Variants in CSMD1 observed in about 807,000 individuals in gnomAD.
CSMD1 encodes CUB and Sushi multiple domains 1.
In CSMD1, 213 loss-of-function variants were observed where a neutral mutation model predicts 417.5. The observed-to-expected ratio is 0.51, with a 90% CI of 0.46 to 0.57. CSMD1 has a LOEUF of 0.57. Ranked by LOEUF, CSMD1 falls within the 20% of genes least tolerant of loss-of-function variation. The pLI is 0.00. For synonymous variants in CSMD1, 2,862 were observed against 1,736.8 expected (o/e 1.65, Z -16.11); for missense variants, 6,923 against 4,529.7 (o/e 1.53, Z -15.17).
In CSMD1 at chr8:4,005,366, C is replaced by T. The variant is rs184811276; in HGVS notation, c.611-7256G>A. On this transcript the variant is annotated intron_variant, in intron 4 of 69. Coordinates refer to ENST00000635120, the MANE Select transcript of CSMD1 (RefSeq NM_033225.6). The stretch of plus-strand genomic sequence containing the variant: ...AGAAAACGTAATGCAGGGGCGGGTC[C>T]GGCTCCTTGAACAGACACACGTGGC... Among the ~76,000 whole-genome samples the T allele has an allele frequency of 5.2e-3, 799 of 152,216 alleles. 9 individuals carry two copies. Among genetic ancestry groups the T allele is most frequent in the Middle Eastern group, 0.024 (7 of 294 alleles).
At chr8:4,191,387 C>G (rs544941523) in intron 3 of CSMD1, among the ~76,000 whole-genome samples, 1 of 152,056 alleles carries the variant, frequency 6.6e-6, no homozygotes, top group African/African-American at 2.4e-5. Context: ...CAGAGCAAGA[C>G]TCTGTCTCAG....
chr8:3,045,212 G>C (rs985843987), intron 50 of CSMD1, among the ~76,000 whole-genome samples: 1 of 152,120 alleles, frequency 6.6e-6, no homozygotes, highest in Non-Finnish European at 1.5e-5. Flanking sequence ...ATTTCCTCAT[G>C]TTACTGAACA....
At chr8:3,174,718 CTAA>C (rs765282533) in intron 37 of CSMD1, among the ~76,000 whole-genome samples, 2 of 151,970 alleles carry the variant, frequency 1.3e-5, no homozygotes, top group African/African-American at 2.4e-5. Context: ...AATGTAAAGC[CTAA>C]TAATAGCTAT....
intron 2 of CSMD1, among the ~76,000 whole-genome samples, chr8:4,450,771 G>C (rs887912699): frequency 3.9e-5 from 6 of 152,150 alleles, no homozygotes; most frequent in African/African-American, 7.2e-5. Context: ...CAAATTGAAA[G>C]CAAGTATTGT....
chr8:4,288,278 T>G (rs1171329198), intron 3 of CSMD1, among the ~76,000 whole-genome samples: 1 of 152,134 alleles, frequency 6.6e-6, no homozygotes, highest in Non-Finnish European at 1.5e-5. Flanking sequence ...CTGGGAACAG[T>G]AAGCTCCCTT....
At chr8:4,760,160 C>T (rs988457200) in intron 1 of CSMD1, among the ~76,000 whole-genome samples, 1 of 152,176 alleles carries the variant, frequency 6.6e-6, no homozygotes, top group Non-Finnish European at 1.5e-5. Flanking sequence ...CTGCAATAGT[C>T]ATAGGCTGCA....
intron 4 of CSMD1, among the ~76,000 whole-genome samples, chr8:4,029,024 G>A (rs563773509): frequency 5.3e-5 from 8 of 152,082 alleles, no homozygotes; most frequent in African/African-American, 1.4e-4. Context: ...CTTGGGAGAG[G>A]GCACTAACTT....
At chr8:4,450,585 C>T (rs796131549) in intron 2 of CSMD1, among the ~76,000 whole-genome samples, 2 of 152,152 alleles carry the variant, frequency 1.3e-5, no homozygotes, top group African/African-American at 4.8e-5. Context: ...CAGCCCAGAT[C>T]GCACCACTGC....
In CSMD1 at chr8:4,000,230, G is replaced by GC. The variant is rs1359769744; in HGVS notation, c.611-2121dup. Among the ~76,000 whole-genome samples the GC allele has an allele frequency of 5.3e-3, 801 of 150,006 alleles. 4 individuals carry two copies. The highest frequency in any genetic ancestry group is 8.5e-3 in the Non-Finnish European group (577 of 67,714). On this transcript the variant is annotated intron_variant, in intron 4 of 69. Transcript: ENST00000635120. ...TTGGGAACAGCCGAATGTCTCTCCT[G>GC]CCCCCCGCCCTCCGTGGACACCACT...
Position 4,536,042 on chromosome 8 carries a change from G to A in CSMD1, c.302+101300C>T, listed in dbSNP as rs139040189. On this transcript the variant is annotated intron_variant, in intron 2 of 69. Coordinates refer to ENST00000635120, the MANE Select transcript of CSMD1 (RefSeq NM_033225.6). ...ATTATTAACATTATTTTTGAAAACA[G>A]CTGAAAATTTCCTCAGTGTTTTCAT... is the stretch of plus-strand genomic sequence containing the variant. Among the ~76,000 whole-genome samples the A allele has an allele frequency of 7.6e-3, 1,159 of 152,210 alleles. 10 individuals carry two copies. The highest frequency in any genetic ancestry group is 0.024 in the Middle Eastern group (7 of 294).
chr8:4,109,916 A>G (rs1801763533), intron 3 of CSMD1, among the ~76,000 whole-genome samples: 1 of 152,156 alleles, frequency 6.6e-6, no homozygotes, highest in Middle Eastern at 3.2e-3. Flanking sequence ...CAATTTGGGC[A>G]CAGAAAATGA....
At chr8:4,171,601 G>A (rs182199608) in intron 3 of CSMD1, among the ~76,000 whole-genome samples, 2 of 151,602 alleles carry the variant, frequency 1.3e-5, no homozygotes, top group African/African-American at 4.9e-5. Flanking sequence ...TTCCTTAGGG[G>A]ACGGTCCCAC....
intron 1 of CSMD1, among the ~76,000 whole-genome samples, chr8:4,903,527 G>C (rs901987539): frequency 1.3e-5 from 2 of 152,070 alleles, no homozygotes; most frequent in East Asian, 1.9e-4. Context: ...AAAAAATACT[G>C]AAACAGGAGA....
At chr8:3,339,660 A>T (rs1807512048) in intron 23 of CSMD1, among the ~76,000 whole-genome samples, 1 of 152,002 alleles carries the variant, frequency 6.6e-6, no homozygotes, top group Non-Finnish European at 1.5e-5. Context: ...TTCAGGTGAA[A>T]CTCTTACTTC....
At chr8:4,429,284 T>A (rs1378414336) in intron 2 of CSMD1, among the ~76,000 whole-genome samples, 1 of 152,096 alleles carries the variant, frequency 6.6e-6, no homozygotes, top group Non-Finnish European at 1.5e-5. Context: ...TTGAAGAGAA[T>A]AATTTCTCAT....
At chr8:3,614,320 G>T (rs538471690) in intron 8 of CSMD1, among the ~76,000 whole-genome samples, 1 of 151,686 alleles carries the variant, frequency 6.6e-6, no homozygotes, top group Non-Finnish European at 1.5e-5. Flanking sequence ...CGGGCTATAC[G>T]TCTGCACAAC....
chr8:3,244,863 C>G (rs10090255), intron 26 of CSMD1, among the ~76,000 whole-genome samples: 85,740 of 152,060 alleles, frequency 0.56, 25,630 homozygotes, highest in South Asian at 0.76. Flanking sequence ...CAAGCAGCCT[C>G]AGATTTTTAG....
intron 2 of CSMD1, among the ~76,000 whole-genome samples, chr8:4,554,285 C>A (rs566829984): frequency 6.6e-6 from 1 of 152,134 alleles, no homozygotes; most frequent in African/African-American, 2.4e-5. Flanking sequence ...TACAGGCATG[C>A]GTCACGATGC....
intron 4 of CSMD1, among the ~76,000 whole-genome samples, chr8:4,023,325 G>C (rs763610746): frequency 5.9e-5 from 9 of 152,274 alleles, no homozygotes; most frequent in Non-Finnish European, 1.2e-4. Context: ...GAGTATTTCT[G>C]TTTGAGCCCA....
Sources: allele counts gnomAD v4.1 joint callset (sites outside exome capture counted in the v4.1 genomes callset), GRCh38; gene constraint gnomAD v4.1.1; transcripts MANE v1.5; gene names NCBI Gene and HGNC (gene_info 2026-07-23, HGNC 2026-07-21).